Variants in CCDC102B observed in about 807,000 individuals in gnomAD.
The protein encoded by CCDC102B is coiled-coil domain-containing protein 102B.
In CCDC102B, 75 loss-of-function variants were observed where a neutral mutation model predicts 57.4. The observed-to-expected ratio is 1.31, with a 90% confidence interval of 1.08 to 1.58. The LOEUF is 1.58. CCDC102B is among the 40% of genes most tolerant of loss of function. CCDC102B has a pLI of 0.00. For synonymous variants in CCDC102B, 206 were observed against 201.9 expected, an observed-to-expected ratio of 1.02 and a Z score of -0.17; for missense variants, 636 against 582.6, an observed-to-expected ratio of 1.09 and a Z score of -0.94.
chr18:68,956,277 G>A (rs2049844000), intron 6 of CCDC102B, among the ~76,000 whole-genome samples: 1 of 135,530 alleles, frequency 7.4e-6, no homozygotes, highest in South Asian at 2.2e-4. Context: ...AAACATTGGA[G>A]TATAGATATC....
At position 68,879,580 on chromosome 18, in the gene CCDC102B, G is replaced by T. The variant is rs565258253; in HGVS notation, c.1053+4795G>T. 2.0e-5 allele frequency among the ~76,000 whole-genome samples: 3 copies of T among 151,800 alleles called. No homozygotes were observed. In the South Asian group the frequency reaches 6.3e-4, roughly 32 times the overall value. On this transcript the variant is annotated intron_variant, in intron 5 of 7. Coordinates refer to ENST00000360242, the MANE Select transcript of CCDC102B (RefSeq NM_024781.3). ...AGTGTCAACACAAAGGTTCTGCAAG[G>T]CCCCACCAGAGTAGCTAGATACAGA...
chr18:68,875,571 A>G (rs1599615316), intron 5 of CCDC102B, among the ~76,000 whole-genome samples: 1 of 152,236 alleles, frequency 6.6e-6, no homozygotes, highest in Non-Finnish European at 1.5e-5. Flanking sequence ...TTCCTTATAT[A>G]ACTCTTCAAA....
intron 1 of CCDC102B, among the ~76,000 whole-genome samples, chr18:68,800,657 G>A (rs531425766): frequency 1.8e-4 from 28 of 151,732 alleles, no homozygotes; most frequent in African/African-American, 6.8e-4. Flanking sequence ...CACTGGGGAT[G>A]TACTGACTTT....
chr18:68,724,968 T>C (rs2145192011), intron 2 of CCDC102B, among the ~76,000 whole-genome samples: 1 of 152,310 alleles, frequency 6.6e-6, no homozygotes, highest in South Asian at 2.1e-4. Flanking sequence ...AGAGGTTTAA[T>C]TGACTCACAA....
In CCDC102B at chr18:68,777,233, CAT is replaced by C. The variant is rs143325054; in HGVS notation, c.-66-46132_-66-46131del. The stretch of plus-strand genomic sequence containing the variant: ...ACTCAATACAAGATCAAGACGTACA[CAT>C]GTCTTTGCTGTATCTTTCTTCTCAG... On this transcript the variant is annotated intron_variant, in intron 2 of 3. Transcript: ENST00000578970. Among the ~76,000 whole-genome samples the C allele has an allele frequency of 1.8e-3, 278 of 152,296 alleles. 3 individuals carry two copies. The East Asian group carries it at 0.043, about 24-fold the overall frequency.
At chr18:68,812,916 G>C (rs2036323342) in intron 1 of CCDC102B, among the ~76,000 whole-genome samples, 1 of 152,106 alleles carries the variant, frequency 6.6e-6, no homozygotes, top group Non-Finnish European at 1.5e-5. Context: ...GAGGAAACCT[G>C]GAGATGGAGA....
chr18:68,993,799 G>A (rs544682041), intron 6 of CCDC102B, among the ~76,000 whole-genome samples: 26 of 151,932 alleles, frequency 1.7e-4, no homozygotes, highest in Admixed American at 1.2e-3. Context: ...AAATTTCTCC[G>A]GGTTCTATTT....
intron 7 of CCDC102B, among the ~76,000 whole-genome samples, chr18:69,048,616 G>T (rs932093869): frequency 3.9e-5 from 6 of 151,926 alleles, no homozygotes; most frequent in Admixed American, 3.3e-4. Flanking sequence ...TATTATTTGG[G>T]AGTTCATTAT....
At chr18:68,883,127 GTATA>G (rs2039752378) in intron 5 of CCDC102B, among the ~76,000 whole-genome samples, 1 of 152,074 alleles carries the variant, frequency 6.6e-6, no homozygotes, top group Admixed American at 6.6e-5. Context: ...AAACTTAAAA[GTATA>G]TATAAAAGGC....
At chr18:68,847,212 T>C (rs79396102) in intron 4 of CCDC102B, among the ~76,000 whole-genome samples, 1 of 147,604 alleles carries the variant, frequency 6.8e-6, no homozygotes, top group Non-Finnish European at 1.5e-5. Flanking sequence ...CACAAACATA[T>C]ACATGGATAT....
intron 6 of CCDC102B, among the ~76,000 whole-genome samples, chr18:68,989,039 T>C (rs954741428): frequency 6.6e-6 from 1 of 152,222 alleles, no homozygotes; most frequent in Non-Finnish European, 1.5e-5. Context: ...CTCTCATATC[T>C]GTTCCTGACT....
chr18:68,842,982 G>C (rs1054463660), intron 3 of CCDC102B, among the ~76,000 whole-genome samples: 5 of 152,074 alleles, frequency 3.3e-5, no homozygotes, highest in African/African-American at 7.2e-5. Flanking sequence ...AGTTGGTCTT[G>C]GTCCCTGTCC....
chr18:69,050,480 G>A (rs1017370209), intron 7 of CCDC102B, among the ~76,000 whole-genome samples: 8 of 152,076 alleles, frequency 5.3e-5, no homozygotes, highest in African/African-American at 1.9e-4. Flanking sequence ...GTATAGCCAA[G>A]AATCACTTAC....
chr18:68,830,679 C>A (rs1039548194), intron 1 of CCDC102B, among the ~76,000 whole-genome samples: 1 of 144,998 alleles, frequency 6.9e-6, no homozygotes, highest in Admixed American at 6.8e-5. Context: ...AAATAGGCTG[C>A]TAAGCTCAAA....
At chr18:69,049,589 G>T (rs2052653069) in intron 7 of CCDC102B, among the ~76,000 whole-genome samples, 1 of 152,016 alleles carries the variant, frequency 6.6e-6, no homozygotes, top group African/African-American at 2.4e-5. Context: ...AAATCACACA[G>T]ACCCACCCCA....
At chr18:68,798,749 G>T (rs1322884728) in intron 1 of CCDC102B, among the ~76,000 whole-genome samples, 1 of 151,866 alleles carries the variant, frequency 6.6e-6, no homozygotes, top group Non-Finnish European at 1.5e-5. Context: ...AGGAGACAGG[G>T]ATACAGAATA....
rs1179771865 is a variant in CCDC102B, at chr18:68,935,766, G to A, written c.1263+38338G>A. ...CCATTAGGGATACTGAGAATGAGTG[G>A]CCAGTGTTGAGGAGTAAGATGTGCA... On this transcript the variant is annotated intron_variant, in intron 6 of 7. Transcript: ENST00000360242. 2.6e-5 allele frequency among the ~76,000 whole-genome samples: 4 copies of A among 151,834 alleles called. No individual in the cohort carries two copies. The East Asian group carries it at 7.8e-4, about 30-fold the overall frequency.
chr18:68,874,698 T>G lies in CCDC102B; in HGVS notation c.966T>G (p.Asp322Glu). 2 of 1,611,402 alleles carry G rather than the reference T, an allele frequency of 1.2e-6. No homozygotes were observed. The highest frequency in any genetic ancestry group is 1.7e-6 in the Non-Finnish European group (2 of 1,178,042). Residue 322 changes from aspartate to glutamate, a missense_variant, in exon 5 of 8, where the codon GAT (aspartate) becomes GAG (glutamate). Transcript: ENST00000360242. ...ACATTCTTCTTGGTCAACATAATGATGAAATGCAAGAACTGTCAGGCAATA... is the reference window on the plus strand; with the variant it reads ...ACATTCTTCTTGGTCAACATAATGAGGAAATGCAAGAACTGTCAGGCAATA... ...EFDILLGQHN[D>E]EMQELSGNIK...
chr18:68,897,941 T>C, intron 6 of CCDC102B: 1 of 217,912 alleles, frequency 4.6e-6, no homozygotes, highest in Non-Finnish European at 9.3e-6. Context: ...AAATAATTTT[T>C]CCAGCCTGTG....
Sources: allele counts gnomAD v4.1 joint callset (sites outside exome capture counted in the v4.1 genomes callset), GRCh38; gene constraint gnomAD v4.1.1; transcripts MANE v1.5; gene names NCBI Gene and HGNC (gene_info 2026-07-23, HGNC 2026-07-21).